The following TATDN1 variants were observed in gnomAD, a reference collection of about 807,000 sequenced individuals.
TATDN1 encodes TatD DNase domain containing 1.
In TATDN1, 40 loss-of-function variants were observed where a neutral mutation model predicts 46.4. That is an observed-to-expected ratio of 0.86 (90% CI 0.67 to 1.12). TATDN1 has a LOEUF of 1.12. Among genes scored for constraint, TATDN1 ranks in the 50% most tolerant of loss-of-function variants. The pLI is 0.00. For missense variants in TATDN1, 326 were observed against 348.4 expected (o/e 0.94, Z 0.51); for synonymous variants, 95 against 105.6 (o/e 0.90, Z 0.62).
chr8:124,501,468 T>C (rs887254267), intron 9 of TATDN1, among the ~76,000 whole-genome samples: 2 of 151,804 alleles, frequency 1.3e-5, no homozygotes, highest in African/African-American at 4.8e-5. Context: ...TTGAAGAAAG[T>C]TTCCATCATC....
At chr8:124,498,508 C>T (rs1052454946) in intron 9 of TATDN1, among the ~76,000 whole-genome samples, 1 of 146,468 alleles carries the variant, frequency 6.8e-6, no homozygotes, top group Non-Finnish European at 1.5e-5. Context: ...CTATATAGGC[C>T]CTCAATTAAT....
chr8:124,518,214 A>G (rs1488026728), intron 4 of TATDN1, among the ~76,000 whole-genome samples: 2 of 41,226 alleles, frequency 4.9e-5, no homozygotes, highest in Admixed American at 2.2e-4. Context: ...TCTATCTCAA[A>G]AAAAAAAAAA....
chr8:124,508,794 A>G, intron 6 of TATDN1, 106 bp from the exon 7 acceptor site: 1 of 699,744 alleles, frequency 1.4e-6, no homozygotes, highest in Non-Finnish European at 2.3e-6. Flanking sequence ...AATTCTCTAG[A>G]AATTACAGGA....
At chr8:124,519,966 G>A (rs1819883245) in intron 3 of TATDN1, among the ~76,000 whole-genome samples, 1 of 152,122 alleles carries the variant, frequency 6.6e-6, no homozygotes, top group Non-Finnish European at 1.5e-5. Flanking sequence ...TACTTCAAAA[G>A]TCTCACTAAA....
At chr8:124,529,194 T>G (rs535977369) in intron 1 of TATDN1, among the ~76,000 whole-genome samples, 1 of 152,218 alleles carries the variant, frequency 6.6e-6, no homozygotes, top group African/African-American at 2.4e-5. Flanking sequence ...GACCTGAGTC[T>G]GCTGGGCCTG....
At chr8:124,511,840 C>G (rs1819048107) in intron 6 of TATDN1, among the ~76,000 whole-genome samples, 1 of 152,120 alleles carries the variant, frequency 6.6e-6, no homozygotes, top group African/African-American at 2.4e-5. Context: ...CTGCATGACT[C>G]ATGTCACTAT....
intron 3 of TATDN1, 113 bp downstream of exon 3, chr8:124,522,038 T>C (rs1820090467): frequency 1.5e-6 from 1 of 658,158 alleles, no homozygotes; most frequent in African/African-American, 1.9e-5. Flanking sequence ...AAGTAGACAA[T>C]ATGTACCCCA....
chr8:124,527,758 AT>A (rs1401612006), intron 1 of TATDN1, among the ~76,000 whole-genome samples: 1 of 151,634 alleles, frequency 6.6e-6, no homozygotes, highest in Non-Finnish European at 1.5e-5. Context: ...CCAAATCTTT[AT>A]TTTGTCCCAT....
intron 11 of TATDN1, chr8:124,489,305 A>C (rs1816711321): frequency 6.6e-6 from 1 of 152,108 alleles, no homozygotes; most frequent in African/African-American, 2.4e-5. Flanking sequence ...CCCTTGCGAG[A>C]GAAATAAGCC....
At chr8:124,520,354 T>C (rs1426048616) in intron 3 of TATDN1, among the ~76,000 whole-genome samples, 1 of 151,274 alleles carries the variant, frequency 6.6e-6, no homozygotes, top group African/African-American at 2.4e-5. Context: ...GGAGAATCAC[T>C]TGAACCCGGG....
intron 6 of TATDN1, among the ~76,000 whole-genome samples, chr8:124,511,992 A>G (rs1488316122): frequency 3.9e-5 from 6 of 152,224 alleles, no homozygotes; most frequent in African/African-American, 1.2e-4. Context: ...TCCTTTTAAC[A>G]TGGTCATACA....
intron 9 of TATDN1, 46 bp from the exon 10 acceptor site, chr8:124,495,588 A>G (rs1817395767): frequency 2.1e-6 from 3 of 1,448,748 alleles, no homozygotes; most frequent in South Asian, 1.2e-5. Flanking sequence ...CAATTAACGA[A>G]TACCTTTTTT....
chr8:124,538,602 T>TTA (rs1382371023), intron 1 of TATDN1: 1 of 237,114 alleles, frequency 4.2e-6, no homozygotes, highest in Non-Finnish European at 8.6e-6. Flanking sequence ...AGGCGCTCAC[T>TTA]AACTATGATA....
chr8:124,532,339 A>G (rs1821040856), intron 1 of TATDN1, among the ~76,000 whole-genome samples: 1 of 152,180 alleles, frequency 6.6e-6, no homozygotes, highest in South Asian at 2.1e-4. Context: ...GCTGGAGTGC[A>G]GTGGTGCAAT....
At chr8:124,534,003 G>A (rs917916386) in intron 1 of TATDN1, among the ~76,000 whole-genome samples, 8 of 151,522 alleles carry the variant, frequency 5.3e-5, no homozygotes, top group Admixed American at 2.0e-4. Context: ...AAAATTAGCC[G>A]GGCGTGGTAG....
chr8:124,501,990 T>C (rs1025244074), intron 9 of TATDN1, among the ~76,000 whole-genome samples: 4 of 152,068 alleles, frequency 2.6e-5, no homozygotes, highest in African/African-American at 9.7e-5. Context: ...CAGTATAAAT[T>C]CTCAATGAAA....
chr8:124,531,762 C>A (rs1295009092), intron 1 of TATDN1, among the ~76,000 whole-genome samples: 2 of 152,252 alleles, frequency 1.3e-5, no homozygotes, highest in South Asian at 4.1e-4. Context: ...CTGGGTTATA[C>A]TGAGGGTAGA....
chr8:124,497,888 A>G (rs549742086), intron 9 of TATDN1, among the ~76,000 whole-genome samples: 1 of 152,336 alleles, frequency 6.6e-6, no homozygotes, highest in Admixed American at 6.5e-5. Context: ...TTGTATAAAA[A>G]AAATATGTAT....
intron 1 of TATDN1, among the ~76,000 whole-genome samples, chr8:124,524,075 C>T (rs957672939): frequency 3.9e-5 from 6 of 152,172 alleles, no homozygotes; most frequent in African/African-American, 1.4e-4. Context: ...AACAGACTCC[C>T]TACATTATTT....
Sources: gnomAD v4.1 joint callset for allele counts (sites outside exome capture counted in the v4.1 genomes callset) on GRCh38, gnomAD v4.1.1 for gene constraint, MANE v1.5 for transcripts, NCBI Gene and HGNC (gene_info 2026-07-23, HGNC 2026-07-21) for gene names.